Variants in PPP3CA observed in about 807,000 individuals in gnomAD.
PPP3CA encodes the protein CAM-PRP catalytic subunit.
Under a neutral mutation model 66.5 loss-of-function variants are expected in PPP3CA, and 14 were observed. The ratio of observed to expected loss-of-function variants is 0.21; its 90% CI spans 0.14 to 0.33. The LOEUF is 0.33. PPP3CA is among the 10% of genes least tolerant of loss of function. PPP3CA has a pLI of 1.00. For synonymous variants in PPP3CA, 232 were observed against 226.2 expected (o/e 1.03, Z -0.23); for missense variants, 317 against 639.5 (o/e 0.50, Z 5.44).
chr4:101,265,542 G>A (rs1727143010), intron 1 of PPP3CA, among the ~76,000 whole-genome samples: 1 of 152,162 alleles, frequency 6.6e-6, no homozygotes, highest in African/African-American at 2.4e-5. Context: ...AATGAATGGT[G>A]ATTCAAGGAA....
At chr4:101,030,890 G>A (rs1378654327) in intron 12 of PPP3CA, among the ~76,000 whole-genome samples, 2 of 151,764 alleles carry the variant, frequency 1.3e-5, no homozygotes, top group South Asian at 2.1e-4. Context: ...GTACATTTTG[G>A]ACATGTAAAT....
chr4:101,113,748 A>T (rs1462999651), intron 2 of PPP3CA, among the ~76,000 whole-genome samples: 1 of 152,110 alleles, frequency 6.6e-6, no homozygotes. Context: ...GACATCACAC[A>T]GAGTAAAGGC....
At chr4:101,242,818 C>T (rs984634640) in intron 1 of PPP3CA, among the ~76,000 whole-genome samples, 2 of 152,126 alleles carry the variant, frequency 1.3e-5, no homozygotes, top group East Asian at 3.9e-4. Context: ...GCCCCAGCTA[C>T]TCAGGAGGCT....
At chr4:101,308,671 G>A (rs926208193) in intron 1 of PPP3CA, among the ~76,000 whole-genome samples, 1 of 151,932 alleles carries the variant, frequency 6.6e-6, no homozygotes, top group African/African-American at 2.4e-5. Flanking sequence ...GGCCTCAAGA[G>A]GTCCTCTCAC....
intron 1 of PPP3CA, among the ~76,000 whole-genome samples, chr4:101,336,525 A>T (rs1729639052): frequency 1.3e-5 from 2 of 151,484 alleles, no homozygotes; most frequent in African/African-American, 4.8e-5. Flanking sequence ...GTGAGCCAAG[A>T]TCGTGCCACT....
rs530719988 is a variant in PPP3CA at position 101,326,097 on chromosome 4, A to C, written c.58+20642T>G. ...GTTGCAGTGAGCCGAGACTGCACCA[A>C]TGCACGCCAGCATGGGCGACAGAGT... On this transcript the variant is annotated intron_variant, in intron 1 of 13. Transcript: ENST00000394854. Among the ~76,000 whole-genome samples, 11 of 152,282 alleles carry C rather than the reference A, an allele frequency of 7.2e-5. No homozygotes were observed. In the East Asian group the frequency reaches 2.1e-3, roughly 29 times the overall value.
chr4:101,335,071 G>A lies in PPP3CA; in HGVS notation c.58+11668C>T, dbSNP rs143314255. On this transcript the variant is annotated intron_variant, in intron 1 of 13. Coordinates refer to ENST00000394854, the MANE Select transcript of PPP3CA (RefSeq NM_000944.5). ...TAGGGTTGAACGTAAATCCACTCTC[G>A]TTTATACGTAGATATCTTAAAATAA... Among the ~76,000 whole-genome samples, 286 of 151,966 alleles carry A rather than the reference G, an allele frequency of 1.9e-3. 1 individual carries two copies. The highest frequency in any genetic ancestry group is 6.5e-3 in the African/African-American group (269 of 41,442).
At chr4:101,156,288 A>C (rs1186442690) in intron 2 of PPP3CA, among the ~76,000 whole-genome samples, 6 of 152,236 alleles carry the variant, frequency 3.9e-5, no homozygotes, top group Non-Finnish European at 8.8e-5. Context: ...TGTGAAGCCC[A>C]GAAGGCATAA....
chr4:101,219,294 C>A (rs1725551848), intron 1 of PPP3CA, among the ~76,000 whole-genome samples: 1 of 151,870 alleles, frequency 6.6e-6, no homozygotes, highest in Admixed American at 6.6e-5. Context: ...ATCTATTCTC[C>A]CTTCACGAAG....
Position 101,185,104 on chromosome 4 carries a change from C to T in PPP3CA, c.259+10812G>A, listed in dbSNP as rs116525508. ...TAAAGTCAGTTGTTTAAATTGTCTC[C>T]TTAGATAGCCCAAATATATAAAATA... is the stretch of plus-strand genomic sequence containing the variant. On this transcript the variant is annotated intron_variant, in intron 2 of 13. Coordinates refer to ENST00000394854, the MANE Select transcript of PPP3CA (RefSeq NM_000944.5). Among the ~76,000 whole-genome samples, 701 of 152,022 alleles carry T rather than the reference C, an allele frequency of 4.6e-3. 1 individual carries two copies. The highest frequency in any genetic ancestry group is 0.016 in the African/African-American group (674 of 41,470).
intron 2 of PPP3CA, among the ~76,000 whole-genome samples, chr4:101,182,126 G>T (rs1724254506): frequency 6.6e-6 from 1 of 151,978 alleles, no homozygotes; most frequent in South Asian, 2.1e-4. Flanking sequence ...AACTTTTAAG[G>T]TGATAGACTG....
chr4:101,270,667 C>T (rs1727309979), intron 1 of PPP3CA, among the ~76,000 whole-genome samples: 2 of 152,242 alleles, frequency 1.3e-5, no homozygotes, highest in Non-Finnish European at 2.9e-5. Flanking sequence ...AAGGGTCCAT[C>T]CAACTTCCTT....
intron 1 of PPP3CA, among the ~76,000 whole-genome samples, chr4:101,202,885 T>A (rs531075304): frequency 1.3e-5 from 2 of 152,326 alleles, no homozygotes; most frequent in Admixed American, 1.3e-4. Flanking sequence ...ACTCACCTCC[T>A]CTAAATACTA....
intron 10 of PPP3CA, among the ~76,000 whole-genome samples, chr4:101,040,978 A>G (rs1480075734): frequency 6.6e-6 from 1 of 152,178 alleles, no homozygotes; most frequent in African/African-American, 2.4e-5. Flanking sequence ...CCATGCTGGG[A>G]AAACTACTTT....
chr4:101,099,393 A>G (rs1730343049), intron 4 of PPP3CA, among the ~76,000 whole-genome samples: 1 of 152,142 alleles, frequency 6.6e-6, no homozygotes, highest in African/African-American at 2.4e-5. Flanking sequence ...ATCTTAATTC[A>G]AATTCTTCAA....
intron 1 of PPP3CA, among the ~76,000 whole-genome samples, chr4:101,343,773 C>T (rs1578206804): frequency 6.6e-6 from 1 of 152,112 alleles, no homozygotes; most frequent in South Asian, 2.1e-4. Context: ...CTAGCAGATT[C>T]TATAAACCTC....
At chr4:101,026,137 T>C in intron 13 of PPP3CA, 76 bp from the exon 14 acceptor site, 3 of 1,295,590 alleles carry the variant, frequency 2.3e-6, no homozygotes, top group Non-Finnish European at 2.1e-6. Context: ...TTGCAGCAGG[T>C]GATGTTAGAG....
At chr4:101,324,142 AAGGAAGGGAGGG>A (rs1294647654) in intron 1 of PPP3CA, among the ~76,000 whole-genome samples, 33 of 115,242 alleles carry the variant, frequency 2.9e-4, no homozygotes, top group African/African-American at 5.6e-4. Context: ...GAAGGAAGGG[AAGGAAGGGAGGG>A]AGGAAGGAAG....
chr4:101,029,330 C>T (rs141276893), intron 12 of PPP3CA, 135 bp from the exon 13 acceptor site: 1 of 145,840 alleles, frequency 6.9e-6, no homozygotes, highest in East Asian at 2.4e-4. Flanking sequence ...CTGGCACAGA[C>T]AACAAAACAG....
Sources: allele counts gnomAD v4.1 joint callset (sites outside exome capture counted in the v4.1 genomes callset), GRCh38; gene constraint gnomAD v4.1.1; transcripts MANE v1.5; gene names NCBI Gene and HGNC (gene_info 2026-07-23, HGNC 2026-07-21).